Variants in TRIM9 observed in about 807,000 individuals in gnomAD.
TRIM9 encodes the protein E3 ubiquitin-protein ligase TRIM9.
Under a neutral mutation model 78.3 loss-of-function variants are expected in TRIM9, and 26 were observed. The ratio of observed to expected loss-of-function variants is 0.33; its 90% confidence interval spans 0.24 to 0.46. TRIM9 has a LOEUF of 0.46. Among genes scored for constraint, TRIM9 ranks in the 20% least tolerant of loss-of-function variants. The probability of loss-of-function intolerance (pLI) is 1.00; values close to 1 mark genes in which losing one functional copy is unlikely to be tolerated. For synonymous variants in TRIM9, 398 were observed against 416.5 expected, an observed-to-expected ratio of 0.96 and a Z score of 0.54; for missense variants, 787 against 1,036.4, an observed-to-expected ratio of 0.76 and a Z score of 3.30.
intron 1 of TRIM9, among the ~76,000 whole-genome samples, chr14:51,055,790 G>C (rs1218311899): frequency 1.3e-5 from 2 of 152,164 alleles, no homozygotes; most frequent in Non-Finnish European, 2.9e-5. Context: ...AAGTTTCTGT[G>C]ATCTGTTATG....
At chr14:50,996,509 C>T in intron 7 of TRIM9, 1 of 985,390 alleles carries the variant, frequency 1.0e-6, no homozygotes, top group Non-Finnish European at 1.2e-6. Flanking sequence ...AGTTTTCCCG[C>T]AGATCTGATA....
chr14:51,029,395 C>A (rs925465763), intron 1 of TRIM9, among the ~76,000 whole-genome samples: 1 of 152,098 alleles, frequency 6.6e-6, no homozygotes, highest in Admixed American at 6.5e-5. Flanking sequence ...ATTCAGGCAC[C>A]GCAACACCAC....
chr14:51,056,718 A>G (rs1298518154), intron 1 of TRIM9, among the ~76,000 whole-genome samples: 1 of 152,228 alleles, frequency 6.6e-6, no homozygotes, highest in African/African-American at 2.4e-5. Context: ...CAGTTTCACA[A>G]TTCCAGGATC....
chr14:51,000,958 A>T, intron 5 of TRIM9, 118 bp from the exon 6 acceptor site: 1 of 1,196,120 alleles, frequency 8.4e-7, no homozygotes, highest in South Asian at 1.4e-5. Context: ...TGGGGTGCAC[A>T]GGGGAACTGA....
Position 50,982,069 on chromosome 14 carries a change from G to T in TRIM9, c.1893C>A (p.His631Gln). 6.2e-7 allele frequency: 1 copy of T among 1,614,132 alleles called. No individual in the cohort carries two copies. The highest frequency in any genetic ancestry group is 8.5e-7 in the Non-Finnish European group (1 of 1,180,000). The change falls in exon 11 of 13, where the codon CAC (histidine) becomes CAA (glutamine). Residue 631 changes from histidine (H) to glutamine (Q), a missense_variant. His to Gln is a conservative substitution (Grantham distance 24). Around this residue, in one of 3 missense-constraint regions of TRIM9, gnomAD observed 421 missense variants for 514.3 expected, o/e 0.82. Coordinates refer to ENST00000684578, the MANE Select transcript of TRIM9 (RefSeq NM_001387360.1). ...TGTCATTGGAGAGGATGATGTCCGA[G>T]TGCGCCGAGCCAGGGTCGAAAGCAA... ...AWFAFDPGSAHSDIILSNDNL... is the reference protein window; with the variant it reads ...AWFAFDPGSAQSDIILSNDNL...
intron 3 of TRIM9, among the ~76,000 whole-genome samples, chr14:51,014,022 C>T (rs2056875462): frequency 6.6e-6 from 1 of 152,182 alleles, no homozygotes; most frequent in Non-Finnish European, 1.5e-5. Flanking sequence ...CCCTTGACTA[C>T]AGGTACTGGA....
rs532097185 is a variant in TRIM9 at position 51,022,928 on chromosome 14, C to G, written c.948G>C (p.Leu316=). The change falls in exon 3 of 13, where the codon CTG becomes CTC. Residue 316 remains leucine, a synonymous_variant. Coordinates refer to ENST00000684578, the MANE Select transcript of TRIM9 (RefSeq NM_001387360.1). ...QENSVEFEAC[L]VAQCDALIDA... ...CGATGAGGGCATCACATTGGGCCAC[C>G]AGACAGGCTTCAAACTCCACACTGT... 1 of 1,614,134 alleles carries G rather than the reference C, an allele frequency of 6.2e-7. No homozygotes were observed. Among genetic ancestry groups the G allele is most frequent in the South Asian group, 1.1e-5 (1 of 91,080 alleles).
At chr14:51,067,210 C>T (rs551519407) in intron 1 of TRIM9, among the ~76,000 whole-genome samples, 2 of 152,246 alleles carry the variant, frequency 1.3e-5, no homozygotes, top group East Asian at 3.9e-4. Flanking sequence ...TACATAGTGC[C>T]ATTATTTAGC....
intron 1 of TRIM9, among the ~76,000 whole-genome samples, chr14:51,093,112 C>T (rs551252497): frequency 6.6e-6 from 1 of 151,750 alleles, no homozygotes; most frequent in South Asian, 2.1e-4. Flanking sequence ...GTCGAAGGGG[C>T]CAAAATGGAA....
At chr14:50,992,409 C>A (rs146783027) in intron 7 of TRIM9, among the ~76,000 whole-genome samples, 2 of 140,804 alleles carry the variant, frequency 1.4e-5, no homozygotes, top group Non-Finnish European at 1.6e-5. Flanking sequence ...GAGACCCTGT[C>A]TCTACGGAAA....
chr14:51,046,139 A>C (rs2059931426), intron 1 of TRIM9, among the ~76,000 whole-genome samples: 1 of 138,010 alleles, frequency 7.2e-6, no homozygotes, highest in Non-Finnish European at 1.6e-5. Context: ...GTAGCCAGGG[A>C]TTAGGGATGG....
At chr14:51,049,999 G>C (rs1256210023) in intron 1 of TRIM9, among the ~76,000 whole-genome samples, 1 of 152,042 alleles carries the variant, frequency 6.6e-6, no homozygotes, top group Admixed American at 6.6e-5. Flanking sequence ...AATCACATAG[G>C]GATTTGTAGG....
chr14:51,015,162 G>T (rs35511164), intron 3 of TRIM9, among the ~76,000 whole-genome samples: 55,256 of 152,146 alleles, frequency 0.36, 10,383 homozygotes, highest in South Asian at 0.64. Context: ...GATATCTACT[G>T]GTTAAAGGAG....
At chr14:51,041,520 T>C (rs2059577229) in intron 1 of TRIM9, among the ~76,000 whole-genome samples, 1 of 152,336 alleles carries the variant, frequency 6.6e-6, no homozygotes. Context: ...AAGCATCTCA[T>C]AGCAAATGAC....
chr14:51,091,013 T>C (rs1270967980), intron 1 of TRIM9: 1 of 152,212 alleles, frequency 6.6e-6, no homozygotes, highest in Non-Finnish European at 1.5e-5. Flanking sequence ...TTTTAAAGTA[T>C]CTACAAAATC....
At position 51,064,495 on chromosome 14, in the gene TRIM9, G is replaced by T. The variant is rs958495766; in HGVS notation, c.822+29623C>A. ...ATAAAAAGTGTATTTTAAATATAAA[G>T]AATCAAAAGTTAAAAGGGGAAGAAA... is the stretch of plus-strand genomic sequence containing the variant. On this transcript the variant is annotated intron_variant, in intron 1 of 12. Coordinates refer to ENST00000684578, the MANE Select transcript of TRIM9 (RefSeq NM_001387360.1). Among the ~76,000 whole-genome samples, 8 of 133,326 alleles carry T rather than the reference G, an allele frequency of 6.0e-5. No homozygotes were observed. In the East Asian group the frequency reaches 1.6e-3, roughly 26 times the overall value. The allele number at this position is 133,326 out of a possible 152,430, so 87.5% of individuals were successfully genotyped here.
chr14:50,984,022 TG>T (rs759213385), intron 8 of TRIM9, among the ~76,000 whole-genome samples: 3 of 151,892 alleles, frequency 2.0e-5, no homozygotes, highest in Admixed American at 6.6e-5. Context: ...ATGGTAGGAG[TG>T]GGTGTGGTCT....
chr14:51,007,044 G>A (rs2139598095), intron 5 of TRIM9, among the ~76,000 whole-genome samples: 1 of 152,208 alleles, frequency 6.6e-6, no homozygotes, highest in East Asian at 1.9e-4. Flanking sequence ...GACTCAGGAG[G>A]GCAATGAATG....
intron 8 of TRIM9, 49 bp downstream of exon 8, chr14:50,985,907 C>G (rs566283708): frequency 8.1e-6 from 11 of 1,365,754 alleles, no homozygotes; most frequent in Middle Eastern, 2.2e-4. Context: ...TTCAGAGATG[C>G]CTTCAAGGCA....
Sources: gnomAD v4.1 joint callset for allele counts (sites outside exome capture counted in the v4.1 genomes callset) on GRCh38, gnomAD v4.1.1 for gene constraint, gnomAD v4.1.1 regional missense constraint, MANE v1.5 for transcripts, NCBI Gene and HGNC (gene_info 2026-07-23, HGNC 2026-07-21) for gene names.